ZNF280D: variants seen among roughly 807,000 people sequenced by gnomAD.
ZNF280D encodes zinc finger protein 280D, also known as suppressor of hairy wing homolog 4.
A neutral mutation model predicts 94.7 loss-of-function variants in ZNF280D; 39 were observed. The ratio of observed to expected loss-of-function variants is 0.41; its 90% CI spans 0.32 to 0.54. ZNF280D has a LOEUF of 0.54. Ranked by LOEUF, ZNF280D falls within the 20% of genes least tolerant of loss-of-function variation. The pLI is 0.22. For missense variants in ZNF280D, 1,090 were observed against 1,149.3 expected (o/e 0.95, Z 0.75); for synonymous variants, 398 against 377.6 (o/e 1.05, Z -0.63).
At chr15:56,673,450 T>G (rs2054997303) in intron 13 of ZNF280D, among the ~76,000 whole-genome samples, 1 of 152,042 alleles carries the variant, frequency 6.6e-6, no homozygotes, top group African/African-American at 2.4e-5. Context: ...TTTCCACTTC[T>G]CATTACCTCG....
intron 13 of ZNF280D, among the ~76,000 whole-genome samples, chr15:56,670,341 C>T (rs1221273879): frequency 1.3e-5 from 2 of 151,620 alleles, no homozygotes; most frequent in Non-Finnish European, 2.9e-5. Flanking sequence ...TCCTCTCTCT[C>T]CTCCCACCCT....
At chr15:56,721,932 A>C (rs1175552391) in intron 1 of ZNF280D, among the ~76,000 whole-genome samples, 1 of 152,208 alleles carries the variant, frequency 6.6e-6, no homozygotes, top group Non-Finnish European at 1.5e-5. Flanking sequence ...TGCTTTCAAC[A>C]CGCCTTCCTC....
chr15:56,662,204 A>ATT (rs201901188), intron 16 of ZNF280D, among the ~76,000 whole-genome samples: 2 of 152,112 alleles, frequency 1.3e-5, no homozygotes, highest in Non-Finnish European at 2.9e-5. Flanking sequence ...ATTTATGTGC[A>ATT]TTTTTTTCAG....
chr15:56,692,479 T>A lies in ZNF280D; in HGVS notation c.499+619A>T, dbSNP rs112186762. 1.2e-3 allele frequency among the ~76,000 whole-genome samples: 187 copies of A among 152,210 alleles called. 5 individuals are homozygous for A. The highest frequency in any genetic ancestry group is 4.3e-3 in the African/African-American group (179 of 41,592). On this transcript the variant is annotated intron_variant, in intron 7 of 21. Coordinates refer to ENST00000267807, the MANE Select transcript of ZNF280D (RefSeq NM_017661.4). ...AATTTTCAATTAGATAAAATTATTT[T>A]ATAGTACACTAATTTATTTTAGATT...
chr15:56,683,011 A>T (rs1039446686), intron 9 of ZNF280D, among the ~76,000 whole-genome samples: 2 of 152,102 alleles, frequency 1.3e-5, no homozygotes, highest in Non-Finnish European at 2.9e-5. Context: ...TTATCAAATA[A>T]CATTGCAAAG....
chr15:56,648,860 C>G (rs2053047214), intron 19 of ZNF280D, among the ~76,000 whole-genome samples: 1 of 152,076 alleles, frequency 6.6e-6, no homozygotes, highest in Admixed American at 6.6e-5. Context: ...TACCATGTTT[C>G]CACCTCACCC....
chr15:56,631,253 CA>C lies in ZNF280D; in HGVS notation c.*244del, dbSNP rs1337546973. The C allele has an allele frequency of 2.4e-6, 1 of 411,672 alleles. No homozygotes were observed. The highest frequency in any genetic ancestry group is 4.3e-6 in the Non-Finnish European group (1 of 230,196). The allele number at this position is 411,672 out of a possible 1,614,324, so 25.5% of individuals were successfully genotyped here. On this transcript the variant is annotated 3_prime_UTR_variant, in exon 22 of 22. Coordinates refer to ENST00000267807, the MANE Select transcript of ZNF280D (RefSeq NM_017661.4). ...ACCATTAAATGAGACCTTTCCACTG[CA>C]AATTTAATTATCATTAAAATCCTGT...
At chr15:56,697,434 C>T (rs537787020) in intron 6 of ZNF280D, among the ~76,000 whole-genome samples, 2 of 152,364 alleles carry the variant, frequency 1.3e-5, no homozygotes, top group Admixed American at 1.3e-4. Context: ...ATCCACTCGC[C>T]TCGGCCTCCC....
chr15:56,638,189 A>G (rs896869338), intron 20 of ZNF280D, among the ~76,000 whole-genome samples: 1 of 152,230 alleles, frequency 6.6e-6, no homozygotes, highest in South Asian at 2.1e-4. Flanking sequence ...CACTGATTAG[A>G]TTAATGCTAA....
intron 6 of ZNF280D, among the ~76,000 whole-genome samples, chr15:56,694,454 T>A (rs554262370): frequency 6.6e-6 from 1 of 151,896 alleles, no homozygotes; most frequent in South Asian, 2.1e-4. Flanking sequence ...GGATTAACAA[T>A]GATTAAAAAT....
At chr15:56,721,121 C>T (rs370508460) in intron 1 of ZNF280D, among the ~76,000 whole-genome samples, 1 of 152,072 alleles carries the variant, frequency 6.6e-6, no homozygotes, top group Non-Finnish European at 1.5e-5. Flanking sequence ...CACCACCACG[C>T]CTGGCTAATT....
At chr15:56,669,888 TTATATATATATATA>T (rs2054595765) in intron 13 of ZNF280D, among the ~76,000 whole-genome samples, 3 of 4,768 alleles carry the variant, frequency 6.3e-4, no homozygotes, top group Non-Finnish European at 9.3e-4. Context: ...TATATATATA[TTATATATATATATA>T]ATATATATAT....
chr15:56,710,110 C>G (rs2057672086), intron 1 of ZNF280D, among the ~76,000 whole-genome samples: 1 of 152,208 alleles, frequency 6.6e-6, no homozygotes, highest in Non-Finnish European at 1.5e-5. Flanking sequence ...CTCTTTAAGA[C>G]AGCCCGAAAA....
At chr15:56,656,631 T>C (rs534242967) in intron 17 of ZNF280D, among the ~76,000 whole-genome samples, 2 of 152,300 alleles carry the variant, frequency 1.3e-5, no homozygotes, top group South Asian at 2.1e-4. Flanking sequence ...TGTGAGCTAC[T>C]AGTCTAACAT....
intron 9 of ZNF280D, among the ~76,000 whole-genome samples, chr15:56,684,331 A>C (rs1456905736): frequency 6.6e-6 from 1 of 152,216 alleles, no homozygotes; most frequent in Non-Finnish European, 1.5e-5. Context: ...GAAGGCAAAT[A>C]ACAGAAAAAT....
Position 56,668,936 on chromosome 15 carries a change from TACA to T in ZNF280D, c.1429_1431del (p.Cys477del). On this transcript the variant is annotated inframe_deletion, in exon 14 of 22. Coordinates refer to ENST00000267807, the MANE Select transcript of ZNF280D (RefSeq NM_017661.4). ...GTCAAAAACTGCAGCCTGCATTTTG[TACA>T]ACGATGTATTCCTTTTTTCTGTTTA... The T allele has an allele frequency of 6.2e-7, 1 of 1,610,588 alleles. No individual in the cohort carries two copies. The highest frequency in any genetic ancestry group is 8.5e-7 in the Non-Finnish European group (1 of 1,178,654).
At chr15:56,681,449 T>C (rs1271916097) in intron 10 of ZNF280D, among the ~76,000 whole-genome samples, 1 of 152,142 alleles carries the variant, frequency 6.6e-6, no homozygotes, top group African/African-American at 2.4e-5. Context: ...ATGTTAATGG[T>C]AGAATCAAGG....
intron 6 of ZNF280D, chr15:56,697,681 G>A (rs1159462158): frequency 6.6e-6 from 1 of 151,934 alleles, no homozygotes; most frequent in Non-Finnish European, 1.5e-5. Context: ...AAAAATTGTT[G>A]AACCCAAAAA....
intron 16 of ZNF280D, among the ~76,000 whole-genome samples, chr15:56,661,135 G>C (rs1412039702): frequency 1.3e-5 from 2 of 152,138 alleles, no homozygotes; most frequent in Non-Finnish European, 2.9e-5. Context: ...AAGACAGATG[G>C]GGTAGAAGCC....
Sources: allele counts gnomAD v4.1 joint callset (sites outside exome capture counted in the v4.1 genomes callset), GRCh38; gene constraint gnomAD v4.1.1; transcripts MANE v1.5; gene names NCBI Gene and HGNC (gene_info 2026-07-23, HGNC 2026-07-21).